DNAH2: variants seen among roughly 807,000 people sequenced by gnomAD.
DNAH2 encodes axonemal beta dynein heavy chain 2.
A neutral mutation model predicts 523.5 loss-of-function variants in DNAH2; 323 were observed. The observed-to-expected ratio is 0.62, with a 90% confidence interval of 0.56 to 0.68. DNAH2 has a LOEUF of 0.68. DNAH2 is among the 30% of genes least tolerant of loss of function. The pLI is 0.00. For synonymous variants in DNAH2, 2,093 were observed against 2,177.4 expected (o/e 0.96, Z 1.08); for missense variants, 4,907 against 5,701.5 (o/e 0.86, Z 4.49).
intron 2 of DNAH2, among the ~76,000 whole-genome samples, chr17:7,721,923 G>T (rs1239568690): frequency 6.6e-6 from 1 of 152,188 alleles, no homozygotes; most frequent in Non-Finnish European, 1.5e-5. Flanking sequence ...AAGATGGAGG[G>T]CCAGAAGCTG....
chr17:7,831,519 AAC>A lies in DNAH2; in HGVS notation c.12594_12595del (p.Leu4199AspfsTer34). 1 of 1,614,156 alleles carries A rather than the reference AAC, an allele frequency of 6.2e-7. No individual in the cohort carries two copies. The highest frequency in any genetic ancestry group is 1.1e-5 in the South Asian group (1 of 91,080). The stretch of plus-strand genomic sequence containing the variant: ...CCTTCTGCAGGAGATCCAGAGATAC[AAC>A]ACACTGATGCAGACCATCCTGTAAG... ...VVLLQEIQRYNTLMQTILFSL... is the reference protein window; with the variant it reads ...VVLLQEIQRYXTLMQTILFSL... On this transcript the variant is annotated frameshift_variant, in exon 81 of 86. Coordinates refer to ENST00000572933, the MANE Select transcript of DNAH2 (RefSeq NM_020877.5). LOFTEE classifies it high-confidence loss of function. The surrounding 1 kb of genome is among the most constrained non-coding windows in gnomAD (Gnocchi z 4.2).
In DNAH2 at chr17:7,733,157, C is replaced by A. The variant is rs750130473; in HGVS notation, c.470C>A (p.Thr157Asn). 23 of 1,614,108 alleles carry A rather than the reference C, an allele frequency of 1.4e-5. No homozygotes were observed. The Middle Eastern group carries it at 4.9e-4, about 35-fold the overall frequency. The change falls in exon 5 of 86, where the codon ACT becomes AAT. Residue 157 changes from threonine (T) to asparagine (N), a missense_variant. Transcript: ENST00000572933. ...VPITWENFEA[T>N]VQFGTVRGPY... ...ATCACCTGGGAGAACTTCGAGGCAA[C>A]TGTGCAGTTTGGGACGGTGCGGGGC...
rs773249389 is a variant in DNAH2, at chr17:7,723,728, C to A, written c.228+39C>A. ...TTCCCTGTGGCAGATATTCCTCCCC[C>A]AAAACTGGTGAATCAAAGGATCAGT... On this transcript the variant is annotated intron_variant, in intron 3 of 85. Transcript: ENST00000572933. The A allele has an allele frequency of 2.4e-5, 37 of 1,570,988 alleles. 3 individuals are homozygous for A. In the Middle Eastern group the frequency reaches 3.4e-3, roughly 144 times the overall value.
rs1277078707 is a variant in DNAH2 at position 7,758,663 on chromosome 17, T to C, written c.2208+12T>C. 10 of 1,608,168 alleles carry C rather than the reference T, an allele frequency of 6.2e-6. No homozygotes were observed. Among genetic ancestry groups the C allele is most frequent in the East Asian group, 2.2e-5 (1 of 44,788 alleles). On this transcript the variant is annotated intron_variant, in intron 14 of 85. Coordinates refer to ENST00000572933, the MANE Select transcript of DNAH2 (RefSeq NM_020877.5). ...TACATGCCAGCAAGGTGGGCCATGG[T>C]CCTTAGACCCTAAAGGTCTGCAAGG...
chr17:7,788,640 A>G (rs141023905), intron 44 of DNAH2, among the ~76,000 whole-genome samples: 1 of 152,258 alleles, frequency 6.6e-6, no homozygotes, highest in East Asian at 1.9e-4. Flanking sequence ...GGCTATTCTG[A>G]TGAGAGGACT....
chr17:7,744,410 C>A (rs2075455668), intron 12 of DNAH2, among the ~76,000 whole-genome samples: 1 of 151,692 alleles, frequency 6.6e-6, no homozygotes, highest in Non-Finnish European at 1.5e-5. Context: ...GAGTGTTTGT[C>A]CTGGGCAGCA....
At position 7,793,448 on chromosome 17, in the gene DNAH2, T is replaced by TCTTTTTCTTTCTTTCTTTCC. The variant is rs59809421; in HGVS notation, c.7569+243_7569+244insCTTTTTCTTTCTTTCTTTCC. On this transcript the variant is annotated intron_variant, in intron 48 of 85. Transcript: ENST00000572933. ...CCTGCTTGCTTTTTCTTTCTTTCTT[T>TCTTTTTCTTTCTTTCTTTCC]TTCTTTCTTTCTTTCTTTCTTTCTT... is the stretch of plus-strand genomic sequence containing the variant. 1.4e-4 allele frequency among the ~76,000 whole-genome samples: 8 copies of TCTTTTTCTTTCTTTCTTTCC among 56,470 alleles called. No individual in the cohort carries two copies. The East Asian group carries it at 5.7e-3, about 40-fold the overall frequency. The allele number at this position is 56,470 out of a possible 152,430, so 37.0% of individuals were successfully genotyped here.
chr17:7,804,155 AGG>A, intron 58 of DNAH2, 99 bp from the exon 59 acceptor site: 35 of 1,243,006 alleles, frequency 2.8e-5, no homozygotes, highest in Admixed American at 1.6e-4. Context: ...GGCAACAGAA[AGG>A]AAGGCGGACT....
intron 68 of DNAH2, 60 bp from the exon 69 acceptor site, chr17:7,818,252 G>T: frequency 6.2e-7 from 1 of 1,604,608 alleles, no homozygotes; most frequent in Non-Finnish European, 8.5e-7. Context: ...GCCGGTGGGG[G>T]ATGGGTTAGC....
rs771563822 is a variant in DNAH2, at chr17:7,792,780, C to G, written c.7269C>G (p.Thr2423=). 1.2e-6 allele frequency: 2 copies of G among 1,614,088 alleles called. No homozygotes were observed. Among genetic ancestry groups the G allele is most frequent in the South Asian group, 2.2e-5 (2 of 91,090 alleles). The change falls in exon 47 of 86, where the codon ACC becomes ACG. Residue 2423 remains threonine (T), a synonymous_variant. Coordinates refer to ENST00000572933, the MANE Select transcript of DNAH2 (RefSeq NM_020877.5). The part of the protein sequence containing the change: ...LLVGPVGTGK[T]SIAQSVLQSL... ...TGGGTCCCGTGGGGACTGGGAAGAC[C>G]TCCATCGCCCAGAGCGTTCTGCAGT...
chr17:7,780,910 C>A lies in DNAH2; in HGVS notation c.6003+128C>A. The stretch of plus-strand genomic sequence containing the variant: ...TCACCTTCCCACCTCGTCCCATCCC[C>A]GTGTTGCCCGCTGCTTTGCTAATGG... On this transcript the variant is annotated intron_variant, in intron 38 of 85. Transcript: ENST00000572933. The surrounding 1 kb of genome is among the most constrained non-coding windows in gnomAD (Gnocchi z 4.4). 6.3e-7 allele frequency: 1 copy of A among 1,578,636 alleles called. No individual in the cohort carries two copies. The highest frequency in any genetic ancestry group is 8.6e-7 in the Non-Finnish European group (1 of 1,158,470).
rs367730842 is a variant in DNAH2, at chr17:7,821,839, G to A, written c.11142+470G>A. 2.8e-4 allele frequency among the ~76,000 whole-genome samples: 42 copies of A among 152,198 alleles called. No individual in the cohort carries two copies. In the East Asian group the frequency reaches 6.6e-3, roughly 24 times the overall value. On this transcript the variant is annotated intron_variant, in intron 73 of 85. Coordinates refer to ENST00000572933, the MANE Select transcript of DNAH2 (RefSeq NM_020877.5). This position sits in a 1 kb window ranked among gnomAD's most constrained non-coding sequence, Gnocchi z 5.0. ...AAGAACACATCCACACCGACTGGAC[G>A]CGCTTTAAGTCCATGATCGTGAACC...
At chr17:7,732,203 G>C (rs1438156936) in intron 4 of DNAH2, among the ~76,000 whole-genome samples, 1 of 151,800 alleles carries the variant, frequency 6.6e-6, no homozygotes, top group East Asian at 1.9e-4. Context: ...GGGAGGCCGA[G>C]GCAGATGGAT....
rs372540076 is a variant in DNAH2, at chr17:7,740,892, G to A, written c.1589G>A (p.Arg530Gln). 65 of 1,613,952 alleles carry A rather than the reference G, an allele frequency of 4.0e-5. No individual in the cohort carries two copies. Among genetic ancestry groups the A allele is most frequent in the Non-Finnish European group, 2.2e-5 (26 of 1,179,938 alleles). ...NSELALVNRE[R>Q]NKKWPDLEPY... ...GAGCTGGCCCTGGTGAACCGTGAAC[G>A]GAACAAGAAATGGCCAGACCTGGAG... Residue 530 changes from arginine (R) to glutamine (Q), a missense_variant, in exon 11 of 86, where the codon CGG becomes CAG. By Grantham distance (43) the Arg-to-Gln change is conservative. Coordinates refer to ENST00000572933, the MANE Select transcript of DNAH2 (RefSeq NM_020877.5).
rs1486749393 is a variant in DNAH2, at chr17:7,718,818, C to A, written c.-15+19C>A. On this transcript the variant is annotated intron_variant, in intron 1 of 85. Transcript: ENST00000572933. Reference sequence around the variant, plus strand: ...GACCCAGGTGGCAAATACTGTTTTTCTCTGTTTACAGATGTTGCAGATTTT... The same window carrying A: ...GACCCAGGTGGCAAATACTGTTTTTATCTGTTTACAGATGTTGCAGATTTT... 6.5e-6 allele frequency: 1 copy of A among 152,728 alleles called. No homozygotes were observed. The highest frequency in any genetic ancestry group is 1.5e-5 in the Non-Finnish European group (1 of 68,056). 9.5% of individuals were successfully genotyped at this position (152,728 alleles called of 1,614,324 possible).
chr17:7,766,659 T>TTTC (rs2076177233), intron 22 of DNAH2, among the ~76,000 whole-genome samples, 178 bp downstream of exon 22: 1 of 138,166 alleles, frequency 7.2e-6, no homozygotes, highest in Non-Finnish European at 1.6e-5. Flanking sequence ...TTTTTTTTTT[T>TTTC]TTTTTTGAGA....
intron 12 of DNAH2, among the ~76,000 whole-genome samples, chr17:7,749,966 C>T (rs1317307695): frequency 6.6e-6 from 1 of 152,158 alleles, no homozygotes; most frequent in Non-Finnish European, 1.5e-5. Context: ...CATTGCACTG[C>T]AGCCTGGGCG....
At chr17:7,797,951 C>T in intron 53 of DNAH2, 122 bp downstream of exon 53, 1 of 1,434,816 alleles carries the variant, frequency 7.0e-7, no homozygotes, top group South Asian at 1.4e-5. Context: ...TCTCCCTGGC[C>T]CCAGATGCCC....
In DNAH2 at chr17:7,777,365, G is replaced by T. The variant is rs1218573096; in HGVS notation, c.5059-81G>T. 4.6e-6 allele frequency: 7 copies of T among 1,505,506 alleles called. No homozygotes were observed. The East Asian group carries it at 6.8e-5, about 15-fold the overall frequency. The allele number at this position is 1,505,506 out of a possible 1,614,324, so 93.3% of individuals were successfully genotyped here. A position where few individuals can be genotyped will look rare whatever the true frequency, so the allele number is the denominator to read the frequency against. ...GTGGGGTCAGCACCGGGTTGGAAGCGGTGCTGGGTAGGGGCAAGGGTTGAT... is the reference window on the plus strand; with the variant it reads ...GTGGGGTCAGCACCGGGTTGGAAGCTGTGCTGGGTAGGGGCAAGGGTTGAT... On this transcript the variant is annotated intron_variant, in intron 32 of 85. Coordinates refer to ENST00000572933, the MANE Select transcript of DNAH2 (RefSeq NM_020877.5).
Sources: allele counts gnomAD v4.1 joint callset (sites outside exome capture counted in the v4.1 genomes callset), GRCh38; gene constraint gnomAD v4.1.1; non-coding constraint Gnocchi (gnomAD v3.1); transcripts MANE v1.5; gene names NCBI Gene and HGNC (gene_info 2026-07-23, HGNC 2026-07-21).